MSH5: variants seen among roughly 807,000 people sequenced by gnomAD.
MSH5 encodes mutS protein homolog 5.
In MSH5, 78 loss-of-function variants were observed where a neutral mutation model predicts 107.7. The ratio of observed to expected loss-of-function variants is 0.72; its 90% CI spans 0.60 to 0.87. The LOEUF (loss-of-function observed/expected upper bound fraction) is 0.87, where lower values mean the gene tolerates loss of function less well. Among genes scored for constraint, MSH5 ranks in the 40% least tolerant of loss-of-function variants. MSH5 has a pLI of 0.00. For missense variants in MSH5, 889 were observed against 1,046.6 expected, an observed-to-expected ratio of 0.85 and a Z score of 2.08; for synonymous variants, 326 against 399.5, an observed-to-expected ratio of 0.82 and a Z score of 2.19.
rs373732751 is a variant in MSH5, at chr6:31,758,839, C to G, written c.1290C>G (p.Ser430=). The G allele has an allele frequency of 3.1e-6, 5 of 1,614,058 alleles. No individual in the cohort carries two copies. The African/African-American group carries it at 6.7e-5, about 22-fold the overall frequency. ...GCAAGGAGCTGGAGAATCTGGACTC[C>G]CGTATTCCTTCATGCAGTGTCATCT... The part of the protein sequence containing the change: ...VARKELENLD[S]RIPSCSVIYI... The change falls in exon 15 of 25, where the codon TCC becomes TCG. Residue 430 remains serine, a synonymous_variant. Coordinates refer to ENST00000375750, the MANE Select transcript of MSH5 (RefSeq NM_172166.4). This position sits in a 1 kb window ranked among gnomAD's most constrained non-coding sequence, Gnocchi z 5.1.
intron 10 of MSH5, among the ~76,000 whole-genome samples, chr6:31,748,574 C>T (rs1312780495): frequency 6.6e-6 from 1 of 151,724 alleles, no homozygotes; most frequent in Non-Finnish European, 1.5e-5. Flanking sequence ...GTCTCGAACT[C>T]CTGGTGATCC....
chr6:31,761,634 C>T lies in MSH5; in HGVS notation c.2181+19C>T. 6.2e-7 allele frequency: 1 copy of T among 1,613,756 alleles called. No individual in the cohort carries two copies. ...GTATTTGGTGAGGAGACCAATCTAG[C>T]TCCTCGGGGACCCCCAGGCTGGGCA... On this transcript the variant is annotated intron_variant, in intron 22 of 24. Coordinates refer to ENST00000375750, the MANE Select transcript of MSH5 (RefSeq NM_172166.4). The surrounding 1 kb of genome is among the most constrained non-coding windows in gnomAD (Gnocchi z 5.3).
In MSH5 at chr6:31,759,083, T is replaced by C; in HGVS notation, c.1327-14T>C. The C allele has an allele frequency of 6.2e-7, 1 of 1,609,960 alleles. No individual in the cohort carries two copies. On this transcript the variant is annotated splice_polypyrimidine_tract_variant and intron_variant, in intron 15 of 24. Transcript: ENST00000375750. This position sits in a 1 kb window ranked among gnomAD's most constrained non-coding sequence, Gnocchi z 4.7. ...AAGCAGGAGAGTAGAGTATCTCCTC[T>C]TTACTCTCCCCAGATTGGCTTCCTT...
At chr6:31,749,752 C>T (rs1288950734) in intron 10 of MSH5, among the ~76,000 whole-genome samples, 1 of 152,082 alleles carries the variant, frequency 6.6e-6, no homozygotes, top group African/African-American at 2.4e-5. Context: ...AGTAGCTATA[C>T]CTGTTACCTC....
chr6:31,741,363 AC>A lies in MSH5; in HGVS notation c.271+78del, dbSNP rs1808872118. On this transcript the variant is annotated intron_variant, in intron 3 of 24. Transcript: ENST00000375750. ...CACACACACACACACACACACACAC[AC>A]ACACACACACACACACACATATTTT... The A allele has an allele frequency of 1.1e-5, 15 of 1,377,306 alleles. No homozygotes were observed. In the East Asian group the frequency reaches 3.6e-4, roughly 33 times the overall value. The allele number at this position is 1,377,306 out of a possible 1,614,324, so 85.3% of individuals were successfully genotyped here.
chr6:31,752,173 G>T (rs1810019469), intron 10 of MSH5, among the ~76,000 whole-genome samples: 1 of 151,742 alleles, frequency 6.6e-6, no homozygotes, highest in African/African-American at 2.4e-5. Context: ...GGGCGCGGTG[G>T]CTCATGCCTG....
chr6:31,755,311 C>T (rs9469046), intron 12 of MSH5, among the ~76,000 whole-genome samples: 6,273 of 151,060 alleles, frequency 0.042, 189 homozygotes, highest in East Asian at 0.13. Context: ...GCCATCACAC[C>T]GAACTAAGTT....
intron 10 of MSH5, among the ~76,000 whole-genome samples, chr6:31,752,930 C>T (rs1810097290): frequency 6.6e-6 from 1 of 152,180 alleles, no homozygotes; most frequent in Non-Finnish European, 1.5e-5. Flanking sequence ...GACATACAAA[C>T]TCATACTGAC....
intron 5 of MSH5, chr6:31,743,587 A>G (rs1809117024): frequency 2.2e-6 from 1 of 456,774 alleles, no homozygotes; most frequent in Admixed American, 3.9e-5. Context: ...ATTAGATATT[A>G]AGGCATTAGT....
chr6:31,747,977 T>C (rs948656908), intron 10 of MSH5, among the ~76,000 whole-genome samples: 2 of 147,294 alleles, frequency 1.4e-5, no homozygotes, highest in African/African-American at 2.5e-5. Context: ...CACTTCAGCC[T>C]GGGCAACAGA....
chr6:31,762,117 A>C lies in MSH5; in HGVS notation c.2325A>C (p.Ser775=). The change falls in exon 24 of 25, where the codon TCA becomes TCC. Residue 775 remains serine, a synonymous_variant. Coordinates refer to ENST00000375750, the MANE Select transcript of MSH5 (RefSeq NM_172166.4). Reference sequence around the variant, plus strand: ...ACCTTCTTGCTTGTTCCTAGGTCTCAGACTTGATCCGCAGTGGAAAACCCA... The same window carrying C: ...ACCTTCTTGCTTGTTCCTAGGTCTCCGACTTGATCCGCAGTGGAAAACCCA... ...DKLVARGKEV[S]DLIRSGKPIK... The C allele has an allele frequency of 1.2e-6, 2 of 1,614,128 alleles. No individual in the cohort carries two copies. Among genetic ancestry groups the C allele is most frequent in the Non-Finnish European group, 1.7e-6 (2 of 1,180,030 alleles).
chr6:31,757,762 C>T (rs568585061), intron 12 of MSH5: 6 of 245,302 alleles, frequency 2.4e-5, no homozygotes, highest in Non-Finnish European at 4.7e-5. Context: ...CTCCACCTCC[C>T]GGGTTCAAGA....
rs1810604546 is a variant in MSH5 at position 31,758,054 on chromosome 6, CTT to C, written c.1015-109_1015-108del. ...TCTTTTTGCCTTTGAGATCTTCCCT[CTT>C]TGTTACTGTGATCTTCCCTACTGGT... On this transcript the variant is annotated intron_variant, in intron 12 of 24. Transcript: ENST00000375750. This position sits in a 1 kb window ranked among gnomAD's most constrained non-coding sequence, Gnocchi z 5.1. The C allele has an allele frequency of 6.6e-6, 9 of 1,371,786 alleles. No homozygotes were observed. Among genetic ancestry groups the C allele is most frequent in the Non-Finnish European group, 8.1e-6 (8 of 986,662 alleles). The allele number at this position is 1,371,786 out of a possible 1,614,324, so 85.0% of individuals were successfully genotyped here. A position where few individuals can be genotyped will look rare whatever the true frequency, so the allele number is the denominator to read the frequency against.
chr6:31,750,922 C>T (rs1809896334), intron 10 of MSH5, among the ~76,000 whole-genome samples: 1 of 152,210 alleles, frequency 6.6e-6, no homozygotes, highest in African/African-American at 2.4e-5. Flanking sequence ...GTCTCACACT[C>T]TCATGGCCAA....
intron 10 of MSH5, among the ~76,000 whole-genome samples, chr6:31,750,642 G>T (rs969448833): frequency 1.1e-4 from 17 of 152,190 alleles, no homozygotes; most frequent in Non-Finnish European, 1.5e-4. Flanking sequence ...AAGTGGGGAT[G>T]GCTATTTACA....
Position 31,760,005 on chromosome 6 carries a change from C to T in MSH5, c.1685+30C>T. The T allele has an allele frequency of 6.2e-7, 1 of 1,612,778 alleles. No individual in the cohort carries two copies. Among genetic ancestry groups the T allele is most frequent in the Non-Finnish European group, 8.5e-7 (1 of 1,179,438 alleles). ...GAATAGAGGCGGGTGGAGGAATAGA[C>T]ATGAGGGGCCCAAAGGCTACATCTT... On this transcript the variant is annotated intron_variant, in intron 18 of 24. Transcript: ENST00000375750. This position sits in a 1 kb window ranked among gnomAD's most constrained non-coding sequence, Gnocchi z 5.6.
At chr6:31,762,292 C>G in intron 24 of MSH5, 107 bp downstream of exon 24, 1 of 1,406,918 alleles carries the variant, frequency 7.1e-7, no homozygotes, top group Non-Finnish European at 1.0e-6. Context: ...CTTCAGAAAC[C>G]CACCATTTCT....
intron 12 of MSH5, among the ~76,000 whole-genome samples, chr6:31,754,950 C>T (rs549862170): frequency 6.6e-6 from 1 of 151,974 alleles, no homozygotes; most frequent in South Asian, 2.1e-4. Context: ...GACAGGGTTT[C>T]ACCATGTTGG....
chr6:31,749,355 A>C (rs1809750876), intron 10 of MSH5, among the ~76,000 whole-genome samples: 1 of 152,064 alleles, frequency 6.6e-6, no homozygotes, highest in Non-Finnish European at 1.5e-5. Flanking sequence ...CAGCCTGGCC[A>C]ACTTGGTGAA....
Sources: allele counts gnomAD v4.1 joint callset (sites outside exome capture counted in the v4.1 genomes callset), GRCh38; gene constraint gnomAD v4.1.1; non-coding constraint Gnocchi (gnomAD v3.1); transcripts MANE v1.5; gene names NCBI Gene and HGNC (gene_info 2026-07-23, HGNC 2026-07-21).